The following LRBA variants were observed in gnomAD, a reference collection of about 807,000 sequenced individuals.
LRBA encodes the protein LPS responsive beige-like anchor protein.
A neutral mutation model predicts 330.0 loss-of-function variants in LRBA; 176 were observed. The observed-to-expected ratio is 0.53, with a 90% CI of 0.47 to 0.60. LRBA has a LOEUF of 0.60. LRBA is among the 20% of genes least tolerant of loss of function. LRBA has a pLI of 0.00. For synonymous variants in LRBA, 1,230 were observed against 1,193.0 expected, an observed-to-expected ratio of 1.03 and a Z score of -0.64; for missense variants, 3,259 against 3,444.8, an observed-to-expected ratio of 0.95 and a Z score of 1.35.
intron 36 of LRBA, among the ~76,000 whole-genome samples, chr4:150,689,233 C>T (rs929725457): frequency 2.0e-5 from 3 of 152,152 alleles, no homozygotes; most frequent in African/African-American, 7.2e-5. Flanking sequence ...ACCGCATGTT[C>T]TCACTCATAA....
intron 50 of LRBA, among the ~76,000 whole-genome samples, chr4:150,319,511 T>C (rs1474779502): frequency 6.6e-6 from 1 of 152,160 alleles, no homozygotes; most frequent in African/African-American, 2.4e-5. Context: ...CTTAAATAAA[T>C]TGTAATATTT....
At chr4:150,604,949 G>A (rs1774483506) in intron 37 of LRBA, among the ~76,000 whole-genome samples, 1 of 152,140 alleles carries the variant, frequency 6.6e-6, no homozygotes, top group Non-Finnish European at 1.5e-5. Flanking sequence ...TTTCCCTGCT[G>A]TAGGAAAAAG....
intron 34 of LRBA, among the ~76,000 whole-genome samples, chr4:150,763,607 G>A (rs1366088521): frequency 6.6e-6 from 1 of 151,910 alleles, no homozygotes; most frequent in East Asian, 1.9e-4. Context: ...CTTGAGAGAA[G>A]GGCATGTGCC....
intron 33 of LRBA, among the ~76,000 whole-genome samples, chr4:150,799,230 T>C (rs925809299): frequency 6.6e-6 from 1 of 152,190 alleles, no homozygotes; most frequent in African/African-American, 2.4e-5. Flanking sequence ...ATATGTAACA[T>C]AGAAATGATG....
chr4:150,507,473 G>A (rs1368232600), intron 40 of LRBA, among the ~76,000 whole-genome samples: 1 of 149,372 alleles, frequency 6.7e-6, no homozygotes, highest in Non-Finnish European at 1.5e-5. Context: ...AACAAGAAAT[G>A]AGGAAAGGAT....
intron 46 of LRBA, among the ~76,000 whole-genome samples, chr4:150,424,242 C>T (rs1401955473): frequency 6.6e-6 from 1 of 152,100 alleles, no homozygotes; most frequent in Non-Finnish European, 1.5e-5. Flanking sequence ...ACAGCAAATC[C>T]TCACCTACTG....
At chr4:150,596,881 A>C (rs949777637) in intron 38 of LRBA, among the ~76,000 whole-genome samples, 2 of 151,478 alleles carry the variant, frequency 1.3e-5, no homozygotes, top group Non-Finnish European at 1.5e-5. Context: ...AATAAATATG[A>C]GGTAGGATTA....
At chr4:150,368,172 G>A (rs1417166221) in intron 47 of LRBA, among the ~76,000 whole-genome samples, 5 of 151,966 alleles carry the variant, frequency 3.3e-5, no homozygotes, top group Non-Finnish European at 5.9e-5. Context: ...GTAGTCCTCC[G>A]AGATTTCAGT....
chr4:150,648,195 G>A (rs1396278191), intron 37 of LRBA, among the ~76,000 whole-genome samples: 3 of 40,274 alleles, frequency 7.4e-5, no homozygotes, highest in African/African-American at 1.4e-4. Flanking sequence ...AGAGCGAGAT[G>A]TGCCAGAAAC....
chr4:150,997,894 G>A (rs1051490394), intron 2 of LRBA, among the ~76,000 whole-genome samples: 1 of 151,898 alleles, frequency 6.6e-6, no homozygotes, highest in Non-Finnish European at 1.5e-5. Context: ...AGTAGAGACA[G>A]GGTTTCATCA....
intron 2 of LRBA, 84 bp from the exon 3 acceptor site, chr4:150,929,149 A>C (rs1734197534): frequency 1.3e-6 from 1 of 780,038 alleles, no homozygotes; most frequent in African/African-American, 1.7e-5. Context: ...TAGATTAACA[A>C]TAACTACTCA....
intron 37 of LRBA, among the ~76,000 whole-genome samples, chr4:150,663,596 A>C (rs1393603248): frequency 6.6e-6 from 1 of 152,006 alleles, no homozygotes; most frequent in African/African-American, 2.4e-5. Flanking sequence ...AAAGACATCC[A>C]TGGAATCTCA....
intron 46 of LRBA, among the ~76,000 whole-genome samples, chr4:150,418,121 G>A (rs777040730): frequency 1.4e-4 from 21 of 150,572 alleles, no homozygotes; most frequent in South Asian, 2.1e-4. Flanking sequence ...AACTTTAATC[G>A]ATCTTTCCAC....
At chr4:150,939,573 T>C (rs777425538) in intron 2 of LRBA, among the ~76,000 whole-genome samples, 6 of 152,202 alleles carry the variant, frequency 3.9e-5, no homozygotes, top group Non-Finnish European at 7.3e-5. Context: ...ACCTAATTTC[T>C]AGTACTTTAT....
intron 36 of LRBA, among the ~76,000 whole-genome samples, chr4:150,717,352 C>G (rs952222637): frequency 6.6e-6 from 1 of 151,976 alleles, no homozygotes; most frequent in African/African-American, 2.4e-5. Context: ...GGAAAAAAAT[C>G]TTTGAATTCT....
At chr4:150,882,454 A>G (rs1270935407) in intron 17 of LRBA, among the ~76,000 whole-genome samples, 1 of 152,226 alleles carries the variant, frequency 6.6e-6, no homozygotes, top group Non-Finnish European at 1.5e-5. Context: ...TCATAAAACA[A>G]TAAATAAATG....
intron 42 of LRBA, among the ~76,000 whole-genome samples, chr4:150,484,760 C>T (rs1004769214): frequency 6.6e-6 from 1 of 151,876 alleles, no homozygotes; most frequent in Non-Finnish European, 1.5e-5. Context: ...CCCTTACCCT[C>T]TCCCTTCTTA....
chr4:150,954,816 T>TAAAAAAAA (rs1737347256), intron 2 of LRBA, among the ~76,000 whole-genome samples: 1 of 16,644 alleles, frequency 6.0e-5, no homozygotes, highest in African/African-American at 2.9e-4. Flanking sequence ...GACTCAGAAA[T>TAAAAAAAA]CAAAAAAAAA....
intron 44 of LRBA, among the ~76,000 whole-genome samples, chr4:150,447,413 T>C (rs1180684597): frequency 6.6e-6 from 1 of 152,142 alleles, no homozygotes; most frequent in African/African-American, 2.4e-5. Context: ...AGGAGGAATT[T>C]GCCCTTTTTT....
Sources: gnomAD v4.1 joint callset for allele counts (sites outside exome capture counted in the v4.1 genomes callset) on GRCh38, gnomAD v4.1.1 for gene constraint, MANE v1.5 for transcripts, NCBI Gene and HGNC (gene_info 2026-07-23, HGNC 2026-07-21) for gene names.